Variants in CREB1 observed in about 807,000 individuals in gnomAD.
CREB1 encodes cyclic AMP-responsive element-binding protein 1.
In CREB1, 2 loss-of-function variants were observed where a neutral mutation model predicts 42.0. That is an observed-to-expected ratio of 0.05 (90% CI 0.02 to 0.15). The LOEUF is 0.15. CREB1 is among the 10% of genes least tolerant of loss of function. The pLI, the probability that CREB1 is intolerant of heterozygous loss-of-function variation, is 1.00. For synonymous variants in CREB1, 123 were observed against 139.9 expected, an observed-to-expected ratio of 0.88 and a Z score of 0.85; for missense variants, 199 against 388.9, an observed-to-expected ratio of 0.51 and a Z score of 4.11.
intron 3 of CREB1, among the ~76,000 whole-genome samples, chr2:207,565,689 G>T (rs904898259): frequency 6.6e-6 from 1 of 152,130 alleles, no homozygotes; most frequent in African/African-American, 2.4e-5. Flanking sequence ...AGAGAAGCAT[G>T]TAAGGATGGG....
At chr2:207,582,170 A>C (rs1366929697) in intron 7 of CREB1, 1 of 702,892 alleles carries the variant, frequency 1.4e-6, no homozygotes, top group Admixed American at 2.0e-5. Context: ...CCTAAAAGGG[A>C]GAATATGAAA....
intron 3 of CREB1, among the ~76,000 whole-genome samples, chr2:207,560,694 C>T (rs1420802973): frequency 1.3e-5 from 2 of 152,080 alleles, no homozygotes; most frequent in Non-Finnish European, 2.9e-5. Flanking sequence ...AATTGAGATG[C>T]AAAAATAGTA....
intron 1 of CREB1, among the ~76,000 whole-genome samples, chr2:207,554,798 T>C (rs556960869): frequency 1.3e-5 from 2 of 152,334 alleles, no homozygotes; most frequent in East Asian, 3.9e-4. Flanking sequence ...CAGTATAGTG[T>C]TGCATGCTAT....
chr2:207,589,650 G>T (rs1467746116), intron 7 of CREB1, among the ~76,000 whole-genome samples: 2 of 152,226 alleles, frequency 1.3e-5, no homozygotes, highest in East Asian at 3.9e-4. Flanking sequence ...TTTAGTTTCT[G>T]AGAGTTTTCA....
Position 207,571,167 on chromosome 2 carries a change from T to C in CREB1, c.505+846T>C, listed in dbSNP as rs75489895. ...TTAAATGTACACATTGAAACTTCTT[T>C]ACTGAGATAGTTTCCTAATCCCTGA... is the stretch of plus-strand genomic sequence containing the variant. On this transcript the variant is annotated intron_variant, in intron 5 of 7. Coordinates refer to ENST00000353267, the MANE Select transcript of CREB1 (RefSeq NM_004379.5). 6.8e-3 allele frequency among the ~76,000 whole-genome samples: 1,035 copies of C among 152,084 alleles called. 11 individuals carry two copies. The highest frequency in any genetic ancestry group is 0.023 in the African/African-American group (963 of 41,458).
At chr2:207,571,670 T>G (rs1195875871) in intron 5 of CREB1, 4 of 446,446 alleles carry the variant, frequency 9.0e-6, no homozygotes, top group Non-Finnish European at 1.8e-5. Flanking sequence ...CCAGATGCTT[T>G]TAGTTATTCA....
At chr2:207,577,175 T>TA in intron 6 of CREB1, 1 of 1,062,412 alleles carries the variant, frequency 9.4e-7, no homozygotes, top group Non-Finnish European at 1.1e-6. Context: ...GACTATACTC[T>TA]ATCTAGGAAG....
At chr2:207,587,957 C>T (rs1197856108) in intron 7 of CREB1, among the ~76,000 whole-genome samples, 1 of 152,146 alleles carries the variant, frequency 6.6e-6, no homozygotes, top group African/African-American at 2.4e-5. Flanking sequence ...TGAATGTTCA[C>T]AACCCAACAA....
chr2:207,592,638 T>C (rs2952766), intron 7 of CREB1, among the ~76,000 whole-genome samples: 128,417 of 152,060 alleles, frequency 0.84, 54,412 homozygotes, highest in East Asian at 1. Flanking sequence ...AGAAAATTCT[T>C]GGCCAGGTGC....
intron 1 of CREB1, among the ~76,000 whole-genome samples, chr2:207,533,853 G>A (rs1225977861): frequency 6.6e-6 from 1 of 152,178 alleles, no homozygotes; most frequent in African/African-American, 2.4e-5. Context: ...ATAGGCCTAG[G>A]TCTGAATCCA....
chr2:207,555,538 A>G lies in CREB1; in HGVS notation c.-8-90A>G, dbSNP rs889441639. On this transcript the variant is annotated intron_variant, in intron 1 of 7. Transcript: ENST00000353267. ...TCATTTGGTAACCTAACCACCACAT[A>G]TATACCTATTTATAACTTGAAATTT... 7.3e-5 allele frequency: 51 copies of G among 697,358 alleles called. No individual in the cohort carries two copies. In the African/African-American group the frequency reaches 8.6e-4, roughly 12 times the overall value. 43.2% of individuals were successfully genotyped at this position (697,358 alleles called of 1,614,324 possible).
At chr2:207,581,633 C>A (rs769563565) in intron 7 of CREB1, 3 of 403,908 alleles carry the variant, frequency 7.4e-6, no homozygotes, top group Non-Finnish European at 1.3e-5. Context: ...TTTAAACTTA[C>A]AAAGGAGTTT....
At chr2:207,549,245 G>A (rs1436804930) in intron 1 of CREB1, among the ~76,000 whole-genome samples, 1 of 152,158 alleles carries the variant, frequency 6.6e-6, no homozygotes, top group Non-Finnish European at 1.5e-5. Context: ...ATTTGAATAT[G>A]CTTTTTTGCC....
chr2:207,549,206 A>G (rs561151850), intron 1 of CREB1, among the ~76,000 whole-genome samples: 2 of 152,342 alleles, frequency 1.3e-5, no homozygotes, highest in South Asian at 2.1e-4. Context: ...GTGTGTGTAC[A>G]TATATACATA....
At chr2:207,565,132 A>C (rs1325394146) in intron 3 of CREB1, among the ~76,000 whole-genome samples, 1 of 151,904 alleles carries the variant, frequency 6.6e-6, no homozygotes. Flanking sequence ...CTCCATGGAT[A>C]GCTTCCCCTG....
intron 3 of CREB1, among the ~76,000 whole-genome samples, chr2:207,566,814 T>C (rs1475817028): frequency 6.6e-6 from 1 of 152,188 alleles, no homozygotes; most frequent in Non-Finnish European, 1.5e-5. Context: ...ATCTGTAAAT[T>C]CTAGTTTCTA....
chr2:207,587,941 G>T (rs2084191949), intron 7 of CREB1, among the ~76,000 whole-genome samples: 1 of 152,126 alleles, frequency 6.6e-6, no homozygotes, highest in Non-Finnish European at 1.5e-5. Flanking sequence ...CTAGAAGTGA[G>T]GATTTTGAAT....
intron 3 of CREB1, among the ~76,000 whole-genome samples, chr2:207,561,351 A>G (rs1269363809): frequency 1.3e-5 from 2 of 152,208 alleles, no homozygotes; most frequent in East Asian, 3.8e-4. Flanking sequence ...AATTCTGTTT[A>G]ACATTTCTCC....
At chr2:207,539,264 A>G (rs2080999814) in intron 1 of CREB1, among the ~76,000 whole-genome samples, 1 of 150,120 alleles carries the variant, frequency 6.7e-6, no homozygotes, top group Non-Finnish European at 1.5e-5. Flanking sequence ...ATGTTGGCCA[A>G]GCTGGTCTCG....
Sources: gnomAD v4.1 joint callset for allele counts (sites outside exome capture counted in the v4.1 genomes callset) on GRCh38, gnomAD v4.1.1 for gene constraint, MANE v1.5 for transcripts, NCBI Gene and HGNC (gene_info 2026-07-23, HGNC 2026-07-21) for gene names.